Variants in SVOPL observed in about 807,000 individuals in gnomAD.
SVOPL encodes SVOP like.
Under a neutral mutation model 61.0 loss-of-function variants are expected in SVOPL, and 60 were observed. That is an observed-to-expected ratio of 0.98 (90% CI 0.80 to 1.22). SVOPL has a LOEUF of 1.22. Among genes scored for constraint, SVOPL ranks in the 50% most tolerant of loss-of-function variants. The probability of loss-of-function intolerance (pLI) is 0.00; values close to 1 mark genes in which losing one functional copy is unlikely to be tolerated. For missense variants in SVOPL, 662 were observed against 643.9 expected (o/e 1.03, Z -0.30); for synonymous variants, 279 against 250.0 (o/e 1.12, Z -1.09).
chr7:138,608,519 T>G (rs955369551), intron 14 of SVOPL, among the ~76,000 whole-genome samples: 1 of 152,206 alleles, frequency 6.6e-6, no homozygotes, highest in African/African-American at 2.4e-5. Flanking sequence ...TACAGCTGTT[T>G]CCGGCATTGG....
At chr7:138,648,779 G>C (rs1801267424) in intron 8 of SVOPL, among the ~76,000 whole-genome samples, 1 of 151,444 alleles carries the variant, frequency 6.6e-6, no homozygotes, top group African/African-American at 2.4e-5. Context: ...AAAATTAGCT[G>C]GGTATGGTGG....
chr7:138,673,784 ACT>A (rs531845545), intron 3 of SVOPL, among the ~76,000 whole-genome samples: 107 of 152,186 alleles, frequency 7.0e-4, no homozygotes, highest in African/African-American at 2.5e-3. Context: ...AAGGAATAAA[ACT>A]CTGCCCATTC....
chr7:138,618,888 A>C (rs1799424816), intron 14 of SVOPL, among the ~76,000 whole-genome samples: 1 of 152,248 alleles, frequency 6.6e-6, no homozygotes, highest in Non-Finnish European at 1.5e-5. Context: ...TTAAGAATCC[A>C]GGTGGGCTAC....
At chr7:138,686,520 G>A (rs1316598034) in intron 1 of SVOPL, among the ~76,000 whole-genome samples, 1 of 150,754 alleles carries the variant, frequency 6.6e-6, no homozygotes, top group East Asian at 1.9e-4. Flanking sequence ...TTCAGAGGAG[G>A]ATCTGACATG....
intron 4 of SVOPL, among the ~76,000 whole-genome samples, chr7:138,670,610 T>C (rs4728443): frequency 1 from 152,156 of 152,326 alleles, 75,993 homozygotes; most frequent in Middle Eastern, 1. Context: ...TAGCCCCCTG[T>C]CAACCAAACT....
rs1798309456 is a variant in SVOPL at position 138,597,057 on chromosome 7, G to A, written c.1354-527C>T. The A allele has an allele frequency of 4.3e-6, 5 of 1,158,132 alleles. No individual in the cohort carries two copies. In the Admixed American group the frequency reaches 1.5e-4, roughly 35 times the overall value. 71.7% of individuals were successfully genotyped at this position (1,158,132 alleles called of 1,614,324 possible). ...TTGTGTGACACCAAAACTCTTTGGT[G>A]TCAATTTTTCCACAGTAACTGGGTT... On this transcript the variant is annotated intron_variant, in intron 14 of 15. Transcript: ENST00000674285.
intron 1 of SVOPL, among the ~76,000 whole-genome samples, chr7:138,696,299 A>G (rs745777662): frequency 2.6e-5 from 4 of 151,952 alleles, no homozygotes; most frequent in Non-Finnish European, 5.9e-5. Flanking sequence ...AACATGGCTC[A>G]CTACAGCCTC....
At chr7:138,699,390 A>G (rs1803141048) in intron 1 of SVOPL, among the ~76,000 whole-genome samples, 1 of 152,192 alleles carries the variant, frequency 6.6e-6, no homozygotes, top group Non-Finnish European at 1.5e-5. Context: ...ATTTATTGCT[A>G]ATATTCTGCT....
At chr7:138,663,526 C>A in intron 4 of SVOPL, 1 of 1,011,378 alleles carries the variant, frequency 9.9e-7, no homozygotes, top group Non-Finnish European at 1.2e-6. Context: ...AAGCAGTCTC[C>A]CTTTATGTTA....
intron 8 of SVOPL, among the ~76,000 whole-genome samples, chr7:138,648,473 G>A (rs547024738): frequency 1.0e-4 from 15 of 150,536 alleles, no homozygotes; most frequent in Non-Finnish European, 2.1e-4. Flanking sequence ...AGGCCGAGGC[G>A]GGTGGATCAT....
rs553252897 is a variant in SVOPL at position 138,668,896 on chromosome 7, C to T, written c.273+3123G>A. Among the ~76,000 whole-genome samples, 64 of 152,310 alleles carry T rather than the reference C, an allele frequency of 4.2e-4. No individual in the cohort carries two copies. In the South Asian group the frequency reaches 0.012, roughly 28 times the overall value. ...CTCAAGGCCTCTGCCACCTGACTGC[C>T]ATCCTCCACCCATCAGTCTACCTAC... is the stretch of plus-strand genomic sequence containing the variant. On this transcript the variant is annotated intron_variant, in intron 4 of 15. Transcript: ENST00000674285.
At chr7:138,651,351 A>C (rs1164935402) in intron 7 of SVOPL, among the ~76,000 whole-genome samples, 2 of 152,216 alleles carry the variant, frequency 1.3e-5, no homozygotes, top group Admixed American at 1.3e-4. Context: ...AAGCATTCCC[A>C]GGCCTCTTTG....
chr7:138,646,618 G>A lies in SVOPL; in HGVS notation c.661-1773C>T, dbSNP rs181178571. Among the ~76,000 whole-genome samples, 165 of 152,018 alleles carry A rather than the reference G, an allele frequency of 1.1e-3. 1 individual carries two copies. Among genetic ancestry groups the A allele is most frequent in the African/African-American group, 3.6e-3 (149 of 41,470 alleles). The stretch of plus-strand genomic sequence containing the variant: ...ACTGCAGCCTTGACCAACCAGGCCC[G>A]AGCAACCCTCCCATCTCAGCCTCCT... On this transcript the variant is annotated intron_variant, in intron 8 of 15. Coordinates refer to ENST00000674285, the MANE Select transcript of SVOPL (RefSeq NM_001139456.2).
At chr7:138,619,244 A>G (rs1340192349) in intron 14 of SVOPL, among the ~76,000 whole-genome samples, 1 of 151,998 alleles carries the variant, frequency 6.6e-6, no homozygotes, top group African/African-American at 2.4e-5. Context: ...TCCATCTCTA[A>G]AAATAAATAA....
chr7:138,683,347 A>C (rs1216631505), intron 1 of SVOPL, among the ~76,000 whole-genome samples: 1 of 152,114 alleles, frequency 6.6e-6, no homozygotes, highest in East Asian at 1.9e-4. Flanking sequence ...AAAATAAATA[A>C]TTCAAAAAAA....
chr7:138,596,502 G>C lies in SVOPL; in HGVS notation c.1382C>G (p.Ala461Gly). The C allele has an allele frequency of 6.2e-7, 1 of 1,613,760 alleles. No homozygotes were observed. Among genetic ancestry groups the C allele is most frequent in the East Asian group, 2.2e-5 (1 of 44,850 alleles). Residue 461 changes from alanine to glycine, a missense_variant, in exon 15 of 16, where the codon GCC becomes GGC. Physicochemically the swap from Ala to Gly is moderately conservative, Grantham distance 60. Transcript: ENST00000674285. ...ACAGACAGATGAGAAGAGACACAGG[G>C]CCCCCAGTATTGATGCACTCATAAG... ...QVLMSASILG[A>G]LCLFSSVCVV...
At chr7:138,641,814 T>TTATATATATATATATATATATAACATATA (rs10666134) in intron 9 of SVOPL, among the ~76,000 whole-genome samples, 1 of 120,972 alleles carries the variant, frequency 8.3e-6, no homozygotes, top group Non-Finnish European at 1.7e-5. Context: ...TATATATATG[T>TTATATATATATATATATATATAACATATA]TATATATATA....
chr7:138,620,124 G>GTTTTTTTTTT (rs68156955), intron 14 of SVOPL, among the ~76,000 whole-genome samples: 6 of 114,630 alleles, frequency 5.2e-5, no homozygotes, highest in Admixed American at 1.0e-4. Context: ...TTTCTGTTTT[G>GTTTTTTTTTT]TTTTTTTTTT....
At chr7:138,697,895 C>G (rs1803105444) in intron 1 of SVOPL, among the ~76,000 whole-genome samples, 1 of 151,260 alleles carries the variant, frequency 6.6e-6, no homozygotes, top group African/African-American at 2.4e-5. Context: ...AAACAATTCA[C>G]AAGAGGACAT....
Sources: gnomAD v4.1 joint callset for allele counts (sites outside exome capture counted in the v4.1 genomes callset) on GRCh38, gnomAD v4.1.1 for gene constraint, MANE v1.5 for transcripts, NCBI Gene and HGNC (gene_info 2026-07-23, HGNC 2026-07-21) for gene names.